The following CFAP47 variants were observed in gnomAD, a reference collection of about 807,000 sequenced individuals.
CFAP47 encodes cilia- and flagella-associated protein 47.
In CFAP47, 29 loss-of-function variants were observed where a neutral mutation model predicts 148.1. The observed-to-expected ratio is 0.20, with a 90% CI of 0.15 to 0.27. The LOEUF (loss-of-function observed/expected upper bound fraction) is 0.27. CFAP47 is among the 10% of genes least tolerant of loss of function. The pLI is 1.00. For missense variants in CFAP47, 1,872 were observed against 1,697.5 expected, an observed-to-expected ratio of 1.10 and a Z score of -1.81; for synonymous variants, 664 against 577.3, an observed-to-expected ratio of 1.15 and a Z score of -2.15.
intron 40 of CFAP47, among the ~76,000 whole-genome samples, chrX:36,185,893 C>T (rs186701627): frequency 1.0e-3 from 117 of 111,488 alleles, no homozygotes; most frequent in African/African-American, 3.7e-3. Context: ...CCATTGTGAT[C>T]TCAGTAAAGC....
intron 35 of CFAP47, 60 bp downstream of exon 35, chrX:36,138,524 C>T: frequency 1.9e-6 from 2 of 1,067,849 alleles, no homozygotes; most frequent in Non-Finnish European, 2.4e-6. Flanking sequence ...TGATAGCTTG[C>T]TCATTTATAA....
At chrX:36,371,569 ATG>A (rs782747642) in intron 62 of CFAP47, among the ~76,000 whole-genome samples, 36 of 98,608 alleles carry the variant, frequency 3.7e-4, no homozygotes, top group Middle Eastern at 5.8e-3. Flanking sequence ...GTGTATATAT[ATG>A]TGTGTATATA....
chrX:36,120,556 G>A (rs1398239164), intron 33 of CFAP47, among the ~76,000 whole-genome samples: 1 of 110,976 alleles, frequency 9.0e-6, no homozygotes, highest in Non-Finnish European at 1.9e-5. Flanking sequence ...GGTTTGGTAT[G>A]TTGTTTCCAT....
intron 2 of CFAP47, among the ~76,000 whole-genome samples, chrX:35,930,632 G>C (rs907167906): frequency 9.1e-6 from 1 of 110,401 alleles, no homozygotes; most frequent in African/African-American, 3.3e-5. Flanking sequence ...ATGCTTATAG[G>C]GCTATTCATA....
At chrX:36,212,909 T>A (rs1940118552) in intron 45 of CFAP47, among the ~76,000 whole-genome samples, 1 of 110,387 alleles carries the variant, frequency 9.1e-6, no homozygotes, top group Non-Finnish European at 1.9e-5. Context: ...GACCAGGAGT[T>A]CGAGACCAGC....
intron 55 of CFAP47, among the ~76,000 whole-genome samples, chrX:36,307,370 C>T (rs1239022674): frequency 9.0e-6 from 1 of 110,912 alleles, no homozygotes; most frequent in Non-Finnish European, 1.9e-5. Context: ...TCATTCTCAC[C>T]GTAGTCCTAT....
rs267606445 is a variant in CFAP47 at position 36,379,466 on chromosome X, G to T, written c.9302G>T (p.Gly3101Val). 1.7e-6 allele frequency: 2 copies of T among 1,162,708 alleles called. No individual in the cohort carries two copies. The highest frequency in any genetic ancestry group is 1.8e-5 in the African/African-American group (1 of 55,673). ...FNTNGTLITV[G>V]FKPKMYCRKY... ...ACAAACGGAACTCTCATCACTGTAG[G>T]ATTTAAACCTAAAATGTACTGTAGG... Residue 3101 changes from glycine to valine, a missense_variant, in exon 63 of 64, where the codon GGA (glycine) becomes GTA (valine). Transcript: ENST00000378653.
intron 32 of CFAP47, among the ~76,000 whole-genome samples, chrX:36,103,298 G>A (rs1243087262): frequency 9.3e-6 from 1 of 107,489 alleles, no homozygotes; most frequent in African/African-American, 3.4e-5. Flanking sequence ...TTTCGCTGTG[G>A]GCAACTGAAG....
intron 56 of CFAP47, 73 bp from the exon 57 acceptor site, chrX:36,319,136 A>G: frequency 2.0e-6 from 1 of 491,866 alleles, no homozygotes; most frequent in East Asian, 4.6e-5. Context: ...TTTTTATTCT[A>G]TTTCCATCTC....
At chrX:36,193,063 A>C (rs1375587433) in intron 42 of CFAP47, among the ~76,000 whole-genome samples, 7 of 111,893 alleles carry the variant, frequency 6.3e-5, no homozygotes, top group African/African-American at 2.3e-4. Flanking sequence ...ATATATTTGC[A>C]TAAATCAATA....
At chrX:36,149,021 G>A (rs897805602) in intron 36 of CFAP47, 87 bp from the exon 37 acceptor site, 9 of 198,390 alleles carry the variant, frequency 4.5e-5, no homozygotes, top group Admixed American at 8.0e-5. Flanking sequence ...AAAATCTATT[G>A]CTATCTTTGA....
chrX:36,147,135 CAT>C (rs1478296279), intron 36 of CFAP47, among the ~76,000 whole-genome samples: 1 of 111,881 alleles, frequency 8.9e-6, no homozygotes, highest in Non-Finnish European at 1.9e-5. Context: ...AGTGAAAAAA[CAT>C]AGAGTGCAGT....
intron 9 of CFAP47, 72 bp downstream of exon 9, chrX:35,966,826 A>C: frequency 1.3e-6 from 1 of 769,724 alleles, no homozygotes; most frequent in African/African-American, 2.2e-5. Context: ...TAATATACTA[A>C]TTGCTTAATT....
intron 31 of CFAP47, 91 bp from the exon 32 acceptor site, chrX:36,099,660 G>T: frequency 2.3e-6 from 1 of 432,591 alleles, no homozygotes; most frequent in East Asian, 3.9e-5. Context: ...TTAAAGTATA[G>T]AAAAGGCATC....
intron 45 of CFAP47, among the ~76,000 whole-genome samples, chrX:36,217,864 C>G (rs1940173957): frequency 8.9e-6 from 1 of 111,753 alleles, no homozygotes; most frequent in South Asian, 3.6e-4. Context: ...CTTTGCCTTT[C>G]ATTGCTTTAT....
intron 27 of CFAP47, among the ~76,000 whole-genome samples, chrX:36,071,395 T>C (rs1292167022): frequency 8.9e-6 from 1 of 112,388 alleles, no homozygotes; most frequent in African/African-American, 3.2e-5. Flanking sequence ...AGCTGTGATG[T>C]TATTACAGAG....
chrX:36,362,607 G>A (rs1001335933), intron 61 of CFAP47, among the ~76,000 whole-genome samples: 1 of 112,032 alleles, frequency 8.9e-6, no homozygotes, highest in Non-Finnish European at 1.9e-5. Flanking sequence ...TTGATTCCAT[G>A]TCTTTGCTAT....
rs190814520 is a variant in CFAP47, at chrX:36,332,470, G to A, written c.8443+13163G>A. 3.6e-5 allele frequency among the ~76,000 whole-genome samples: 4 copies of A among 111,436 alleles called. No individual in the cohort carries two copies. The Admixed American group carries it at 3.8e-4, about 11-fold the overall frequency. Reference sequence around the variant, plus strand: ...AAATTAATTCTTACAGAAAGGATTAGATTTATGTTTTTTCAGTTATCTCAA... The same window carrying A: ...AAATTAATTCTTACAGAAAGGATTAAATTTATGTTTTTTCAGTTATCTCAA... On this transcript the variant is annotated intron_variant, in intron 57 of 63. Transcript: ENST00000378653.
chrX:36,328,834 AAG>A (rs1393402072), intron 57 of CFAP47, among the ~76,000 whole-genome samples: 2 of 108,746 alleles, frequency 1.8e-5, no homozygotes, highest in African/African-American at 6.6e-5. Context: ...AAAAAAAAAA[AAG>A]AAAAGCAAAA....
Sources: gnomAD v4.1 joint callset for allele counts (sites outside exome capture counted in the v4.1 genomes callset) on GRCh38, gnomAD v4.1.1 for gene constraint, MANE v1.5 for transcripts, NCBI Gene and HGNC (gene_info 2026-07-23, HGNC 2026-07-21) for gene names.